Variants in ABCC6 observed in about 807,000 individuals in gnomAD.
ABCC6 encodes ATP-binding cassette sub-family C member 6.
A neutral mutation model predicts 169.5 loss-of-function variants in ABCC6; 126 were observed. That is an observed-to-expected ratio of 0.74 (90% CI 0.64 to 0.86). The LOEUF (loss-of-function observed/expected upper bound fraction) is 0.86, where lower values mean the gene tolerates loss of function less well. Ranked by LOEUF, ABCC6 falls within the 40% of genes least tolerant of loss-of-function variation. ABCC6 has a pLI of 0.00. For synonymous variants in ABCC6, 752 were observed against 814.7 expected (o/e 0.92, Z 1.31); for missense variants, 1,733 against 1,927.2 (o/e 0.90, Z 1.89).
intron 21 of ABCC6, among the ~76,000 whole-genome samples, chr16:16,172,132 A>ATAAATGAATGGG (rs2047115383): frequency 1.3e-5 from 1 of 77,546 alleles, no homozygotes; most frequent in Non-Finnish European, 2.5e-5. Flanking sequence ...AAATGAATGG[A>ATAAATGAATGGG]TGGGATGCAT....
chr16:16,170,697 C>T (rs990166317), intron 21 of ABCC6, among the ~76,000 whole-genome samples: 17 of 151,928 alleles, frequency 1.1e-4, no homozygotes, highest in Admixed American at 9.2e-4. Flanking sequence ...GCGGGTGTGT[C>T]ACCTGAGCTC....
Position 16,191,966 on chromosome 16 carries a change from G to A in ABCC6, c.1431+864C>T, listed in dbSNP as rs559057628. 1.9e-4 allele frequency among the ~76,000 whole-genome samples: 29 copies of A among 152,290 alleles called. No homozygotes were observed. The East Asian group carries it at 5.2e-3, about 27-fold the overall frequency. ...GGAAAACAAGGCAATCAACCCTGCC[G>A]GGTGCTTCCTGTAGGACCCTGTAGG... On this transcript the variant is annotated intron_variant, in intron 11 of 30. Coordinates refer to ENST00000205557, the MANE Select transcript of ABCC6 (RefSeq NM_001171.6).
At chr16:16,156,020 A>G (rs532772230) in intron 27 of ABCC6, among the ~76,000 whole-genome samples, 3 of 152,270 alleles carry the variant, frequency 2.0e-5, no homozygotes, top group East Asian at 1.9e-4. Flanking sequence ...GGTTCAAGCA[A>G]TTCTCCTGCC....
intron 15 of ABCC6, among the ~76,000 whole-genome samples, chr16:16,184,627 T>C (rs1360275342): frequency 3.9e-5 from 6 of 152,124 alleles, no homozygotes; most frequent in African/African-American, 1.4e-4. Context: ...GCACAGCTGA[T>C]AGGGCTGAAC....
intron 27 of ABCC6, among the ~76,000 whole-genome samples, chr16:16,156,879 G>T (rs1347859984): frequency 1.4e-5 from 2 of 145,658 alleles, no homozygotes; most frequent in Non-Finnish European, 3.0e-5. Context: ...GGAGGCGGAG[G>T]TTGCAGTGAT....
intron 8 of ABCC6, among the ~76,000 whole-genome samples, chr16:16,202,406 T>A (rs1295207632): frequency 6.6e-6 from 1 of 152,064 alleles, no homozygotes; most frequent in Non-Finnish European, 1.5e-5. Flanking sequence ...AGGTGGAGTT[T>A]TTGTTCCCAC....
intron 13 of ABCC6, among the ~76,000 whole-genome samples, chr16:16,188,103 T>G (rs1248841636): frequency 1.3e-5 from 2 of 150,020 alleles, no homozygotes; most frequent in African/African-American, 4.9e-5. Flanking sequence ...TAAATAAGAC[T>G]GGGTGCAGTG....
In ABCC6 at chr16:16,157,815, G is replaced by A. The variant is rs760560012; in HGVS notation, c.3736-6C>T. The A allele has an allele frequency of 2.5e-6, 4 of 1,608,836 alleles. No homozygotes were observed. The highest frequency in any genetic ancestry group is 1.3e-5 in the African/African-American group (1 of 75,018). On this transcript the variant is annotated splice_polypyrimidine_tract_variant and splice_region_variant and intron_variant, in intron 26 of 30. Coordinates refer to ENST00000205557, the MANE Select transcript of ABCC6 (RefSeq NM_001171.6). ...GTGGGCAGCCTCCAGGGAGCCTGGA[G>A]CAGGAGGGGAAACTGAGTCAGAGGA... is the stretch of plus-strand genomic sequence containing the variant.
chr16:16,149,714 T>A lies in ABCC6; in HGVS notation c.*419A>T. On this transcript the variant is annotated 3_prime_UTR_variant, in exon 31 of 31. Coordinates refer to ENST00000205557, the MANE Select transcript of ABCC6 (RefSeq NM_001171.6). Reference sequence around the variant, plus strand: ...CTCTCTATATTATTGTTTCTTTAACTGCATGTGAGTCTGGGATTATCCCAA... The same window carrying A: ...CTCTCTATATTATTGTTTCTTTAACAGCATGTGAGTCTGGGATTATCCCAA... 1 of 337,260 alleles carries A rather than the reference T, an allele frequency of 3.0e-6. No individual in the cohort carries two copies. Among genetic ancestry groups the A allele is most frequent in the Non-Finnish European group, 5.6e-6 (1 of 179,272 alleles). The allele number at this position is 337,260 out of a possible 1,614,324, so 20.9% of individuals were successfully genotyped here.
At chr16:16,173,119 G>A (rs1345185813) in intron 21 of ABCC6, 165 bp downstream of exon 21, 1 of 786,266 alleles carries the variant, frequency 1.3e-6, no homozygotes, top group Non-Finnish European at 2.0e-6. Context: ...TATTTTTTAG[G>A]GTGGTTGTGA....
intron 18 of ABCC6, 94 bp downstream of exon 18, chr16:16,178,704 A>G: frequency 2.1e-6 from 3 of 1,418,470 alleles, no homozygotes; most frequent in Non-Finnish European, 3.0e-6. Flanking sequence ...ACTCAAGTGG[A>G]AGGGGGAGGT....
At chr16:16,183,079 G>T in intron 15 of ABCC6, 149 bp from the exon 16 acceptor site, 1 of 1,238,286 alleles carries the variant, frequency 8.1e-7, no homozygotes, top group South Asian at 1.3e-5. Context: ...TCCTTGTCTA[G>T]CTATTTGAGG....
At chr16:16,216,158 A>G (rs1220627599) in intron 4 of ABCC6, among the ~76,000 whole-genome samples, 3 of 150,792 alleles carry the variant, frequency 2.0e-5, no homozygotes, top group East Asian at 2.0e-4. Flanking sequence ...CTGACCTCAG[A>G]TGATCCTCCT....
rs1256391399 is a variant in ABCC6 at position 16,180,464 on chromosome 16, TTCTTG to T, written c.2248-1504_2248-1500del. Among the ~76,000 whole-genome samples, 3 of 152,286 alleles carry T rather than the reference TTCTTG, an allele frequency of 2.0e-5. No homozygotes were observed. In the East Asian group the frequency reaches 5.8e-4, roughly 29 times the overall value. The stretch of plus-strand genomic sequence containing the variant: ...TTAACTTATTCCTTCTATCTAGGCC[TTCTTG>T]TCTTTCATTCATTCTTTTAAAACTT... On this transcript the variant is annotated intron_variant, in intron 17 of 30. Transcript: ENST00000205557.
At position 16,190,223 on chromosome 16, in the gene ABCC6, G is replaced by C. The variant is rs773079563; in HGVS notation, c.1576C>G (p.Arg526Gly). The C allele has an allele frequency of 6.2e-6, 10 of 1,613,868 alleles. No individual in the cohort carries two copies. The South Asian group carries it at 8.8e-5, about 14-fold the overall frequency. The change falls in exon 12 of 31, where the codon CGG becomes GGG. Residue 526 changes from arginine to glycine, a missense_variant. This residue lies in a region of ABCC6 where 1,601 missense variants were observed against 1,635.5 expected (regional missense o/e 0.98). Transcript: ENST00000205557. ...GIRGQELGAL[R>G]TSGLLFSVSL... The stretch of plus-strand genomic sequence containing the variant: ...ACAGAGAAGAGGAGGCCGGAGGTCC[G>C]CAAGGCGCCCAGCTCCTGGCCTCGG...
intron 9 of ABCC6, among the ~76,000 whole-genome samples, chr16:16,199,969 G>A (rs1406934291): frequency 1.3e-5 from 2 of 151,950 alleles, no homozygotes; most frequent in Admixed American, 1.3e-4. Flanking sequence ...TTGGGAGGGT[G>A]AGGCAGGACA....
At chr16:16,157,914 AT>A in intron 26 of ABCC6, 105 bp from the exon 27 acceptor site, 1 of 1,257,370 alleles carries the variant, frequency 8.0e-7, no homozygotes, top group Non-Finnish European at 1.1e-6. Context: ...AAATGGACGT[AT>A]TTATTGCTGT....
intron 6 of ABCC6, among the ~76,000 whole-genome samples, chr16:16,210,314 T>G (rs1314242333): frequency 6.6e-6 from 1 of 151,680 alleles, no homozygotes; most frequent in Non-Finnish European, 1.5e-5. Flanking sequence ...TTTTTATATT[T>G]TTAGTAGAGA....
At chr16:16,150,309 C>A in intron 30 of ABCC6, 68 bp from the exon 31 acceptor site, 1 of 1,607,212 alleles carries the variant, frequency 6.2e-7, no homozygotes, top group Non-Finnish European at 8.5e-7. Flanking sequence ...CTGTGAGAGC[C>A]CAGTGTGTCT....
Sources: gnomAD v4.1 joint callset for allele counts (sites outside exome capture counted in the v4.1 genomes callset) on GRCh38, gnomAD v4.1.1 for gene constraint, gnomAD v4.1.1 regional missense constraint, MANE v1.5 for transcripts, NCBI Gene and HGNC (gene_info 2026-07-23, HGNC 2026-07-21) for gene names.